Variants in GNPTAB observed in about 807,000 individuals in gnomAD.
GNPTAB encodes the protein N-acetylglucosamine-1-phosphate transferase subunits alpha and beta.
In GNPTAB, 92 loss-of-function variants were observed where a neutral mutation model predicts 136.6. The observed-to-expected ratio is 0.67, with a 90% CI of 0.57 to 0.80. The LOEUF is 0.80. GNPTAB is among the 30% of genes least tolerant of loss of function. The pLI is 0.00. For missense variants in GNPTAB, 1,343 were observed against 1,501.8 expected (o/e 0.89, Z 1.75); for synonymous variants, 512 against 535.1 (o/e 0.96, Z 0.60).
intron 1 of GNPTAB, among the ~76,000 whole-genome samples, chr12:101,811,433 G>A (rs551868765): frequency 1.7e-4 from 24 of 144,532 alleles, no homozygotes; most frequent in African/African-American, 6.2e-4. Flanking sequence ...GTCTGTTCTC[G>A]CATTGCTATA....
intron 7 of GNPTAB, among the ~76,000 whole-genome samples, chr12:101,771,418 A>G (rs1056115723): frequency 1.3e-5 from 2 of 152,054 alleles, no homozygotes; most frequent in African/African-American, 2.4e-5. Context: ...AAACTTTTGT[A>G]CTTTTAGTAG....
At position 101,826,555 on chromosome 12, in the gene GNPTAB, T is replaced by A. The variant is rs1871093263; in HGVS notation, c.117+4004A>T. On this transcript the variant is annotated intron_variant, in intron 1 of 20. Coordinates refer to ENST00000299314, the MANE Select transcript of GNPTAB (RefSeq NM_024312.5). ...CCAGCCCTACCTAGAGATCTTTTTGTACCTTATTTGGCAACTAAACTTGAC... is the reference window on the plus strand; with the variant it reads ...CCAGCCCTACCTAGAGATCTTTTTGAACCTTATTTGGCAACTAAACTTGAC... Among the ~76,000 whole-genome samples the A allele has an allele frequency of 5.3e-5, 8 of 152,024 alleles. No individual in the cohort carries two copies. The South Asian group carries it at 1.7e-3, about 32-fold the overall frequency.
intron 1 of GNPTAB, among the ~76,000 whole-genome samples, chr12:101,803,406 G>T (rs748490763): frequency 6.6e-6 from 1 of 152,082 alleles, no homozygotes; most frequent in African/African-American, 2.4e-5. Context: ...AATCACATTC[G>T]ATTAAAGACA....
At chr12:101,787,913 CAA>C (rs34261197) in intron 4 of GNPTAB, among the ~76,000 whole-genome samples, 2 of 126,910 alleles carry the variant, frequency 1.6e-5, no homozygotes, top group Non-Finnish European at 1.6e-5. Context: ...AACTCCGTCT[CAA>C]AAAAAAAAAA....
At position 101,779,742 on chromosome 12, in the gene GNPTAB, G is replaced by A. The variant is rs943076270; in HGVS notation, c.771+410C>T. 1.9e-4 allele frequency: 45 copies of A among 230,850 alleles called. 2 individuals carry two copies. The South Asian group carries it at 2.4e-3, about 12-fold the overall frequency. 14.3% of individuals were successfully genotyped at this position (230,850 alleles called of 1,614,324 possible). A position where few individuals can be genotyped will look rare whatever the true frequency, so the allele number is the denominator to read the frequency against. The stretch of plus-strand genomic sequence containing the variant: ...ATTGTTCACACCCTAAGTTCCATCC[G>A]GGCCTTTGTCTGTTTTGTCCACTGC... On this transcript the variant is annotated intron_variant, in intron 7 of 20. Coordinates refer to ENST00000299314, the MANE Select transcript of GNPTAB (RefSeq NM_024312.5).
chr12:101,786,588 T>G (rs375356110), intron 4 of GNPTAB, among the ~76,000 whole-genome samples: 4 of 152,152 alleles, frequency 2.6e-5, no homozygotes, highest in African/African-American at 4.8e-5. Flanking sequence ...GTTAATAGAG[T>G]GTCATGTTAC....
chr12:101,749,313 C>A, intron 19 of GNPTAB, 122 bp from the exon 20 acceptor site: 3 of 724,966 alleles, frequency 4.1e-6, no homozygotes, highest in Admixed American at 2.1e-5. Context: ...CATTGTCTTG[C>A]AATTCTAAAA....
At position 101,753,364 on chromosome 12, in the gene GNPTAB, G is replaced by T. The variant is rs79493678; in HGVS notation, c.3602+8C>A. On this transcript the variant is annotated splice_region_variant and intron_variant, in intron 19 of 20. Coordinates refer to ENST00000299314, the MANE Select transcript of GNPTAB (RefSeq NM_024312.5). ...ACACACATGCATATATAAAACATGAGAATTTACCATTCCTGCAGCTCATGC... is the reference window on the plus strand; with the variant it reads ...ACACACATGCATATATAAAACATGATAATTTACCATTCCTGCAGCTCATGC... The T allele has an allele frequency of 0.038, 61,484 of 1,608,380 alleles. 1,412 individuals are homozygous for T. Among genetic ancestry groups the T allele is most frequent in the Non-Finnish European group, 0.045 (53,388 of 1,175,464 alleles).
At chr12:101,770,681 G>A in intron 8 of GNPTAB, 96 bp from the exon 9 acceptor site, 2 of 875,138 alleles carry the variant, frequency 2.3e-6, no homozygotes, top group Non-Finnish European at 3.8e-6. Context: ...CTCTCAAGGT[G>A]CTCTGGCAGA....
chr12:101,769,305 A>G (rs760987230), intron 10 of GNPTAB, among the ~76,000 whole-genome samples: 8 of 152,202 alleles, frequency 5.3e-5, no homozygotes, highest in Admixed American at 1.3e-4. Context: ...ACAAAGTTAG[A>G]GTGCAACAGG....
intron 1 of GNPTAB, among the ~76,000 whole-genome samples, chr12:101,800,604 C>CAAAA (rs58129963): frequency 4.0e-5 from 3 of 74,286 alleles, no homozygotes; most frequent in Admixed American, 1.7e-4. Context: ...ACTAAAAATA[C>CAAAA]AAAAAAAAAA....
chr12:101,770,215 AAG>A (rs1229062028), intron 9 of GNPTAB, 24 bp from the exon 10 acceptor site: 1 of 1,613,000 alleles, frequency 6.2e-7, no homozygotes, highest in Non-Finnish European at 8.5e-7. Context: ...CAAACAAAAA[AAG>A]AGAGTGAATG....
At chr12:101,823,609 CAAAA>C (rs5800490) in intron 1 of GNPTAB, among the ~76,000 whole-genome samples, 3 of 91,346 alleles carry the variant, frequency 3.3e-5, no homozygotes, top group African/African-American at 8.4e-5. Context: ...GACTCCGTCT[CAAAA>C]AAAAAAAAAA....
intron 2 of GNPTAB, chr12:101,795,997 C>A (rs1022653338): frequency 1.9e-5 from 8 of 424,468 alleles, no homozygotes; most frequent in South Asian, 6.0e-5. Flanking sequence ...GTGAAGACTG[C>A]GTTCCAGAAT....
At chr12:101,751,863 T>A (rs1476550240) in intron 19 of GNPTAB, among the ~76,000 whole-genome samples, 2 of 152,208 alleles carry the variant, frequency 1.3e-5, no homozygotes, top group African/African-American at 4.8e-5. Context: ...TCCAGGTTCA[T>A]ACGCGGGCTC....
Position 101,764,946 on chromosome 12 carries a change from T to C in GNPTAB, c.1971A>G (p.Thr657=). Reference sequence around the variant, plus strand: ...AAAGGATTTCCGCCTCTGGAAGAAGTGTTATGGGACTAACTAAATTTTCGT... The same window carrying C: ...AAAGGATTTCCGCCTCTGGAAGAAGCGTTATGGGACTAACTAAATTTTCGT... ...KGYENLVSPI[T]LLPEAEILFE... Residue 657 remains threonine, a synonymous_variant, in exon 13 of 21, where the codon ACA becomes ACG. Coordinates refer to ENST00000299314, the MANE Select transcript of GNPTAB (RefSeq NM_024312.5). 1 of 1,614,020 alleles carries C rather than the reference T, an allele frequency of 6.2e-7. No individual in the cohort carries two copies. Among genetic ancestry groups the C allele is most frequent in the Non-Finnish European group, 8.5e-7 (1 of 1,180,022 alleles).
intron 1 of GNPTAB, among the ~76,000 whole-genome samples, chr12:101,812,582 C>CCA (rs2137177010): frequency 2.1e-5 from 3 of 142,838 alleles, no homozygotes; most frequent in Middle Eastern, 3.5e-3. Flanking sequence ...ATGGTGAGAA[C>CCA]CCCCCCATCT....
chr12:101,796,229 T>C (rs751612979), intron 2 of GNPTAB: 31 of 702,358 alleles, frequency 4.4e-5, no homozygotes, highest in Non-Finnish European at 1.6e-5. Flanking sequence ...TTCCTCATCC[T>C]ACAGGGGGAT....
At chr12:101,754,227 G>A (rs374912658) in intron 18 of GNPTAB, among the ~76,000 whole-genome samples, 12 of 152,162 alleles carry the variant, frequency 7.9e-5, no homozygotes, top group African/African-American at 2.7e-4. Context: ...AAAAATTTGA[G>A]ACCAGCCTAG....
Sources: allele counts gnomAD v4.1 joint callset (sites outside exome capture counted in the v4.1 genomes callset), GRCh38; gene constraint gnomAD v4.1.1; transcripts MANE v1.5; gene names NCBI Gene and HGNC (gene_info 2026-07-23, HGNC 2026-07-21).